Variants in STXBP6 observed in about 807,000 individuals in gnomAD.
STXBP6 encodes syntaxin binding protein 6.
A neutral mutation model predicts 26.9 loss-of-function variants in STXBP6; 21 were observed. The ratio of observed to expected loss-of-function variants is 0.78; its 90% CI spans 0.55 to 1.12. The LOEUF (loss-of-function observed/expected upper bound fraction) is 1.12. Among genes scored for constraint, STXBP6 ranks in the 50% most tolerant of loss-of-function variants. The pLI is 0.00. For missense variants in STXBP6, 232 were observed against 257.9 expected (o/e 0.90, Z 0.69); for synonymous variants, 97 against 92.6 (o/e 1.05, Z -0.27).
chr14:24,877,974 AGTTTT>A (rs1443218476), intron 2 of STXBP6, among the ~76,000 whole-genome samples: 1 of 152,112 alleles, frequency 6.6e-6, no homozygotes, highest in African/African-American at 2.4e-5. Flanking sequence ...ATCTCAGTGT[AGTTTT>A]AACTTGCATT....
At chr14:24,934,756 G>A (rs2072538052) in intron 2 of STXBP6, among the ~76,000 whole-genome samples, 3 of 151,968 alleles carry the variant, frequency 2.0e-5, no homozygotes, top group Non-Finnish European at 1.5e-5. Flanking sequence ...GGCATAGGAG[G>A]AAAAATAAGA....
intron 2 of STXBP6, among the ~76,000 whole-genome samples, chr14:24,963,664 T>C (rs17257661): frequency 0.078 from 11,809 of 152,182 alleles, 531 homozygotes; most frequent in South Asian, 0.16. Flanking sequence ...AGCTTTGACA[T>C]ATTCAAGGTC....
intron 4 of STXBP6, among the ~76,000 whole-genome samples, chr14:24,842,831 C>G (rs753828566): frequency 6.6e-6 from 1 of 152,134 alleles, no homozygotes; most frequent in Non-Finnish European, 1.5e-5. Flanking sequence ...GTGGCTGTAT[C>G]TGTTATCTGC....
intron 4 of STXBP6, among the ~76,000 whole-genome samples, chr14:24,836,539 C>T (rs913340851): frequency 5.3e-5 from 7 of 131,566 alleles, no homozygotes; most frequent in African/African-American, 1.8e-4. Flanking sequence ...GCAGAGGTTT[C>T]AGTGAGCTGA....
Position 25,036,805 on chromosome 14 carries a change from A to G in STXBP6, c.-33+13073T>C, listed in dbSNP as rs1195050430. Among the ~76,000 whole-genome samples, 12 of 150,746 alleles carry G rather than the reference A, an allele frequency of 8.0e-5. No individual in the cohort carries two copies. In the East Asian group the frequency reaches 1.8e-3, roughly 22 times the overall value. The stretch of plus-strand genomic sequence containing the variant: ...CAGGAGGCGGAGCTTGCAGTGAGCC[A>G]AGATGGCGCCACAGCACTCCAGCCT... On this transcript the variant is annotated intron_variant, in intron 1 of 5. Coordinates refer to ENST00000323944, the MANE Select transcript of STXBP6 (RefSeq NM_001394410.1).
intron 1 of STXBP6, chr14:24,994,900 T>C (rs377662027): frequency 2.0e-5 from 3 of 151,918 alleles, no homozygotes; most frequent in African/African-American, 7.3e-5. Flanking sequence ...TCCCAGCTAC[T>C]TGGGAGGCTG....
intron 1 of STXBP6, among the ~76,000 whole-genome samples, chr14:25,047,635 G>T (rs2075746870): frequency 6.6e-6 from 1 of 152,202 alleles, no homozygotes; most frequent in African/African-American, 2.4e-5. Flanking sequence ...AGTTTGAGAT[G>T]TAACAAGCCC....
intron 4 of STXBP6, among the ~76,000 whole-genome samples, chr14:24,833,347 C>T (rs1370698255): frequency 6.6e-6 from 1 of 152,178 alleles, no homozygotes; most frequent in African/African-American, 2.4e-5. Context: ...CCCTAGCACC[C>T]TTTGCATTTC....
At chr14:24,882,378 CAAAAAAAAAAAAAAAAAAAAAAA>C (rs57240083) in intron 2 of STXBP6, among the ~76,000 whole-genome samples, 1 of 26,830 alleles carries the variant, frequency 3.7e-5, no homozygotes, top group South Asian at 3.1e-3. Flanking sequence ...GACTCCGTCT[CAAAAAAAAAAAAAAAAAAAAAAA>C]AAAAAAAAAA....
At chr14:24,978,506 C>T (rs1176651165) in intron 1 of STXBP6, among the ~76,000 whole-genome samples, 1 of 152,098 alleles carries the variant, frequency 6.6e-6, no homozygotes, top group African/African-American at 2.4e-5. Flanking sequence ...GGCTGAGAAC[C>T]CACTGTAAGA....
intron 2 of STXBP6, among the ~76,000 whole-genome samples, chr14:24,900,142 TC>T (rs2071161028): frequency 6.6e-6 from 1 of 152,242 alleles, no homozygotes; most frequent in Non-Finnish European, 1.5e-5. Flanking sequence ...ATTAGATTTT[TC>T]TTTTTTCATT....
At chr14:24,948,132 G>A (rs1427823086) in intron 2 of STXBP6, among the ~76,000 whole-genome samples, 1 of 152,080 alleles carries the variant, frequency 6.6e-6, no homozygotes, top group Non-Finnish European at 1.5e-5. Flanking sequence ...CTTCTCTCCG[G>A]AGAAAGCAAA....
intron 4 of STXBP6, among the ~76,000 whole-genome samples, chr14:24,827,731 A>T (rs2068330834): frequency 6.6e-6 from 1 of 152,148 alleles, no homozygotes; most frequent in Non-Finnish European, 1.5e-5. Flanking sequence ...CTAGTACCTG[A>T]TCATGCCACT....
At chr14:25,017,303 A>G (rs2075170397) in intron 1 of STXBP6, among the ~76,000 whole-genome samples, 1 of 152,214 alleles carries the variant, frequency 6.6e-6, no homozygotes, top group Non-Finnish European at 1.5e-5. Context: ...AGAGCTGGTG[A>G]AAGACCACCC....
chr14:24,894,746 A>G (rs1249865986), intron 2 of STXBP6, among the ~76,000 whole-genome samples: 1 of 152,224 alleles, frequency 6.6e-6, no homozygotes, highest in Non-Finnish European at 1.5e-5. Flanking sequence ...CCTCTCTACC[A>G]GCCTAAGGAA....
chr14:25,021,881 C>T (rs184527861), intron 1 of STXBP6, among the ~76,000 whole-genome samples: 148 of 152,264 alleles, frequency 9.7e-4, no homozygotes, highest in African/African-American at 3.2e-3. Flanking sequence ...TCCCTCTCAA[C>T]GCTATTATAC....
chr14:24,871,232 C>A (rs772592790), intron 2 of STXBP6, among the ~76,000 whole-genome samples: 1 of 152,260 alleles, frequency 6.6e-6, no homozygotes, highest in African/African-American at 2.4e-5. Context: ...CTACTTCTAT[C>A]CCTTCTCCAG....
chr14:24,885,455 T>C (rs771510247), intron 2 of STXBP6, among the ~76,000 whole-genome samples: 27 of 152,198 alleles, frequency 1.8e-4, no homozygotes, highest in Non-Finnish European at 3.2e-4. Flanking sequence ...ACCTCAGGAC[T>C]CTAAGAGTAC....
chr14:25,042,807 A>G (rs1375638312), intron 1 of STXBP6, among the ~76,000 whole-genome samples: 1 of 152,220 alleles, frequency 6.6e-6, no homozygotes, highest in Admixed American at 6.5e-5. Context: ...CTGTGGCACC[A>G]CACTGTTAAA....
Sources: gnomAD v4.1 joint callset for allele counts (sites outside exome capture counted in the v4.1 genomes callset) on GRCh38, gnomAD v4.1.1 for gene constraint, MANE v1.5 for transcripts, NCBI Gene and HGNC (gene_info 2026-07-23, HGNC 2026-07-21) for gene names.